The following CCDC195 variants were observed in gnomAD, a reference collection of about 807,000 sequenced individuals.
CCDC195 encodes coiled-coil domain-containing protein 195.
At chr2:224,708,373 T>C (rs1397280523) in intron 2 of CCDC195, among the ~76,000 whole-genome samples, 1 of 152,212 alleles carries the variant, frequency 6.6e-6, no homozygotes, top group East Asian at 1.9e-4. Context: ...TGGCCTTTAA[T>C]GATGAATCCT....
chr2:224,713,393 A>G (rs1372536140), intron 1 of CCDC195, among the ~76,000 whole-genome samples: 2 of 152,200 alleles, frequency 1.3e-5, no homozygotes, highest in Non-Finnish European at 2.9e-5. Flanking sequence ...CCTGTGAGGT[A>G]GATTCCATCA....
At chr2:224,704,094 T>C (rs1464091044) in intron 2 of CCDC195, among the ~76,000 whole-genome samples, 2 of 152,174 alleles carry the variant, frequency 1.3e-5, no homozygotes, top group Non-Finnish European at 2.9e-5. Flanking sequence ...CAAGGAATAG[T>C]GTGGATAAAA....
At chr2:224,709,086 C>CTTTTTTTTTTTTTTTTT (rs35179742) in intron 2 of CCDC195, among the ~76,000 whole-genome samples, 1 of 95,766 alleles carries the variant, frequency 1.0e-5, no homozygotes, top group African/African-American at 4.3e-5. Flanking sequence ...TTTCTTTTGT[C>CTTTTTTTTTTTTTTTTT]TTTTTTTTTT....
exon 1 of CCDC195, chr2:224,716,268 G>A: frequency 2.5e-6 from 1 of 398,684 alleles, no homozygotes. Context: ...ACTACTTGCA[G>A]TGAGTTTCAT....
At chr2:224,712,200 A>G (rs1386106625) in intron 1 of CCDC195, among the ~76,000 whole-genome samples, 2 of 152,220 alleles carry the variant, frequency 1.3e-5, no homozygotes, top group Non-Finnish European at 2.9e-5. Context: ...TATTCAACAC[A>G]GCATCACAGG....
Position 224,706,618 on chromosome 2 carries a change from C to T in CCDC195, c.483-2731G>A, listed in dbSNP as rs571282326. 1.0e-4 allele frequency among the ~76,000 whole-genome samples: 15 copies of T among 148,082 alleles called. No homozygotes were observed. In the South Asian group the frequency reaches 3.2e-3, roughly 32 times the overall value. On this transcript the variant is annotated intron_variant, in intron 2 of 2. Transcript: ENST00000638102. ...CTGTGCCTCCCAGGTTCAAGCGATT[C>T]TCCTGCCTCAGCCTCCCAAGTAGCT...
At chr2:224,706,168 T>G (rs189325308) in intron 2 of CCDC195, among the ~76,000 whole-genome samples, 32 of 147,506 alleles carry the variant, frequency 2.2e-4, no homozygotes, top group African/African-American at 7.7e-4. Flanking sequence ...TTACTTTGTA[T>G]ATTGCCTCTA....
intron 2 of CCDC195, among the ~76,000 whole-genome samples, chr2:224,705,948 C>T (rs372680201): frequency 6.6e-6 from 1 of 151,966 alleles, no homozygotes; most frequent in South Asian, 2.1e-4. Context: ...GGTTCCCATA[C>T]TATCATAGAA....
chr2:224,716,064 A>G (rs1689379120), intron 1 of CCDC195, 67 bp downstream of exon 1: 4 of 397,802 alleles, frequency 1.0e-5, no homozygotes, highest in Non-Finnish European at 1.8e-5. Context: ...TCAGCACAAT[A>G]CACTTAACTA....
chr2:224,704,823 T>C (rs1387733561), intron 2 of CCDC195, among the ~76,000 whole-genome samples: 3 of 152,150 alleles, frequency 2.0e-5, no homozygotes, highest in Non-Finnish European at 2.9e-5. Context: ...GTTTTCGCCA[T>C]GTTGGCCAGG....
At chr2:224,706,188 A>ATTTT (rs1697238096) in intron 2 of CCDC195, among the ~76,000 whole-genome samples, 1 of 51,108 alleles carries the variant, frequency 2.0e-5, no homozygotes, top group Non-Finnish European at 3.7e-5. Flanking sequence ...ATATTTTGTA[A>ATTTT]CTTTTTTTTT....
intron 2 of CCDC195, among the ~76,000 whole-genome samples, chr2:224,708,062 C>T (rs1310314311): frequency 7.1e-6 from 1 of 141,368 alleles, no homozygotes; most frequent in Non-Finnish European, 1.5e-5. Flanking sequence ...ACTATGTTGC[C>T]CAGGCTGGTC....
intron 2 of CCDC195, among the ~76,000 whole-genome samples, chr2:224,705,703 TA>T (rs568773472): frequency 1.1e-3 from 169 of 152,048 alleles, no homozygotes; most frequent in African/African-American, 3.9e-3. Flanking sequence ...AGGACTACAA[TA>T]AAAAAAATGC....
intron 2 of CCDC195, among the ~76,000 whole-genome samples, chr2:224,705,889 T>C (rs894765361): frequency 6.6e-6 from 1 of 152,176 alleles, no homozygotes; most frequent in Non-Finnish European, 1.5e-5. Context: ...AGCTTGGAAG[T>C]TGGAAAACAT....
intron 2 of CCDC195, among the ~76,000 whole-genome samples, chr2:224,707,674 G>C (rs1012118373): frequency 2.1e-4 from 32 of 152,188 alleles, no homozygotes; most frequent in Admixed American, 2.0e-4. Context: ...CACATGGGCA[G>C]GGGTTTTTGA....
At chr2:224,714,339 G>A (rs1336963286) in intron 1 of CCDC195, among the ~76,000 whole-genome samples, 1 of 152,168 alleles carries the variant, frequency 6.6e-6, no homozygotes, top group Non-Finnish European at 1.5e-5. Context: ...TTTTAAAATA[G>A]GACAGTTAGT....
chr2:224,706,638 G>A (rs1390710041), intron 2 of CCDC195, among the ~76,000 whole-genome samples: 2 of 149,630 alleles, frequency 1.3e-5, no homozygotes, highest in East Asian at 3.9e-4. Flanking sequence ...AGCCTCCCAA[G>A]TAGCTGAGAA....
At chr2:224,709,488 T>G (rs879336156) in intron 2 of CCDC195, among the ~76,000 whole-genome samples, 21 of 152,208 alleles carry the variant, frequency 1.4e-4, no homozygotes, top group Non-Finnish European at 2.5e-4. Context: ...GCCTAAATAA[T>G]TTTTTAAAAC....
Position 224,709,961 on chromosome 2 carries a change from A to G in CCDC195, c.482+12T>C, listed in dbSNP as rs746772611. ...GGGCCTATTCACCAGCTTGAAGTGT[A>G]TTTTACATTACCTGCAACCACAAAC... On this transcript the variant is annotated intron_variant, in intron 2 of 2. Transcript: ENST00000638102. The G allele has an allele frequency of 6.3e-5, 25 of 398,430 alleles. No individual in the cohort carries two copies. Among genetic ancestry groups the G allele is most frequent in the Non-Finnish European group, 9.7e-5 (22 of 226,068 alleles). The allele number at this position is 398,430 out of a possible 1,614,324, so 24.7% of individuals were successfully genotyped here.
Sources: allele counts gnomAD v4.1 joint callset (sites outside exome capture counted in the v4.1 genomes callset), GRCh38; gene constraint gnomAD v4.1.1; transcripts MANE v1.5; gene names NCBI Gene and HGNC (gene_info 2026-07-23, HGNC 2026-07-21).